Variants in HYCC1 observed in about 807,000 individuals in gnomAD.
HYCC1 encodes hyccin.
At chr7:23,013,224 T>G in the HYCC1 span, among the ~76,000 whole-genome samples, 1 of 152,164 alleles carries the variant, frequency 6.6e-6, no homozygotes, top group Non-Finnish European at 1.5e-5. Context: ...TATGTTAAAA[T>G]GAGCCTCAGG....
chr7:23,009,599 G>A, the HYCC1 span, among the ~76,000 whole-genome samples: 9 of 152,104 alleles, frequency 5.9e-5, no homozygotes, highest in East Asian at 1.7e-3. Flanking sequence ...CTGGACTTCA[G>A]AACCAGCAGG....
chr7:22,944,557 T>G, the HYCC1 span: 2 of 152,208 alleles, frequency 1.3e-5, no homozygotes, highest in South Asian at 4.1e-4. Flanking sequence ...TTAGTTAATA[T>G]ATAAATGTCC....
At chr7:22,928,013 A>T in the HYCC1 span, among the ~76,000 whole-genome samples, 1 of 152,354 alleles carries the variant, frequency 6.6e-6, no homozygotes, top group Admixed American at 6.5e-5. Context: ...CATCCCTGGG[A>T]TGCAAGGCTG....
At chr7:22,923,835 A>G in the HYCC1 span, among the ~76,000 whole-genome samples, 2 of 152,014 alleles carry the variant, frequency 1.3e-5, no homozygotes, top group African/African-American at 4.8e-5. Context: ...AAATTACTAG[A>G]AGGTACAAAC....
the HYCC1 span, among the ~76,000 whole-genome samples, chr7:23,006,043 C>T: frequency 1.3e-5 from 2 of 152,084 alleles, no homozygotes; most frequent in African/African-American, 2.4e-5. Flanking sequence ...ATTAACAAAT[C>T]AGCAGGAACC....
the HYCC1 span, among the ~76,000 whole-genome samples, chr7:23,002,159 TA>T: frequency 0.024 from 1,671 of 70,588 alleles, 43 homozygotes; most frequent in Middle Eastern, 0.049. Flanking sequence ...TATATATATA[TA>T]TATATATATA....
the HYCC1 span, among the ~76,000 whole-genome samples, chr7:22,981,139 TGTTTA>T: frequency 6.6e-6 from 1 of 152,350 alleles, no homozygotes; most frequent in East Asian, 1.9e-4. Flanking sequence ...TAGTATTATA[TGTTTA>T]GTTATTTGTT....
the HYCC1 span, chr7:22,964,282 C>G: frequency 4.4e-5 from 29 of 661,924 alleles, no homozygotes; most frequent in East Asian, 7.1e-4. Context: ...AAACTATTAT[C>G]AAGATCTTCA....
the HYCC1 span, chr7:22,947,296 A>G: frequency 1.4e-6 from 2 of 1,471,482 alleles, no homozygotes; most frequent in African/African-American, 1.4e-5. Context: ...ACAAAACAAA[A>G]ACGTGAAATG....
chr7:22,934,234 T>TTTTTTTTTTTTTC, the HYCC1 span: 14 of 122,478 alleles, frequency 1.1e-4, no homozygotes, highest in Admixed American at 2.5e-4. Context: ...TTTTTTTTTT[T>TTTTTTTTTTTTTC]CCCTCTCTGA....
At chr7:22,934,651 C>G in the HYCC1 span, 1 of 152,190 alleles carries the variant, frequency 6.6e-6, no homozygotes, top group Non-Finnish European at 1.5e-5. Context: ...TACTACAAAG[C>G]AAATCAGCAA....
the HYCC1 span, among the ~76,000 whole-genome samples, chr7:23,003,465 G>T: frequency 9.9e-5 from 15 of 152,124 alleles, no homozygotes; most frequent in South Asian, 1.9e-3. Context: ...AAAATGAGGA[G>T]GAATGTAAAA....
chr7:23,008,579 A>C, the HYCC1 span, among the ~76,000 whole-genome samples: 1 of 152,206 alleles, frequency 6.6e-6, no homozygotes, highest in African/African-American at 2.4e-5. Flanking sequence ...ATGTTTTGAC[A>C]AAGACAATAA....
At chr7:22,988,535 C>T in the HYCC1 span, among the ~76,000 whole-genome samples, 2 of 152,088 alleles carry the variant, frequency 1.3e-5, no homozygotes, top group African/African-American at 2.4e-5. Flanking sequence ...GATCTGGGAG[C>T]TTAGTGTACT....
chr7:22,963,110 C>T, the HYCC1 span, among the ~76,000 whole-genome samples: 3 of 152,108 alleles, frequency 2.0e-5, no homozygotes, highest in African/African-American at 7.2e-5. Flanking sequence ...ATAATATTTA[C>T]CTCAGTCTCT....
the HYCC1 span, among the ~76,000 whole-genome samples, chr7:22,926,890 G>A: frequency 6.6e-6 from 1 of 151,002 alleles, no homozygotes; most frequent in East Asian, 2.0e-4. Flanking sequence ...ATTCTTTTCA[G>A]CACCACACCA....
At chr7:22,993,808 C>A in the HYCC1 span, among the ~76,000 whole-genome samples, 1 of 152,120 alleles carries the variant, frequency 6.6e-6, no homozygotes, top group Non-Finnish European at 1.5e-5. Context: ...AATGTGAATG[C>A]AAATTGGTAC....
chr7:22,965,794 AT>A, the HYCC1 span, among the ~76,000 whole-genome samples: 2 of 151,096 alleles, frequency 1.3e-5, no homozygotes, highest in African/African-American at 4.9e-5. Context: ...TTAAAACAAA[AT>A]TTTTTTTTGA....
the HYCC1 span, among the ~76,000 whole-genome samples, chr7:22,997,840 T>A: frequency 6.6e-6 from 1 of 152,176 alleles, no homozygotes; most frequent in Non-Finnish European, 1.5e-5. Context: ...TGTCTGATTA[T>A]CAAGAATAGA....
Sources: gnomAD v4.1 joint callset for allele counts (sites outside exome capture counted in the v4.1 genomes callset) on GRCh38, gnomAD v4.1.1 for gene constraint, MANE v1.5 for transcripts, NCBI Gene and HGNC (gene_info 2026-07-23, HGNC 2026-07-21) for gene names.